RBMS2: variants seen among roughly 807,000 people sequenced by gnomAD.
RBMS2 encodes the protein RNA-binding motif, single-stranded-interacting protein 2.
In RBMS2, 38 loss-of-function variants were observed where a neutral mutation model predicts 58.4. That is an observed-to-expected ratio of 0.65 (90% CI 0.50 to 0.85). The LOEUF (loss-of-function observed/expected upper bound fraction) is 0.85. Ranked by LOEUF, RBMS2 falls within the 40% of genes least tolerant of loss-of-function variation. The pLI, the probability that RBMS2 is intolerant of heterozygous loss-of-function variation, is 0.00. For synonymous variants in RBMS2, 151 were observed against 180.7 expected (o/e 0.84, Z 1.32); for missense variants, 367 against 503.7 (o/e 0.73, Z 2.60).
intron 1 of RBMS2, among the ~76,000 whole-genome samples, chr12:56,561,165 T>C (rs1034890744): frequency 6.6e-5 from 10 of 152,210 alleles, no homozygotes; most frequent in African/African-American, 2.4e-4. Flanking sequence ...CAGTCTACCA[T>C]TGATGGGCAT....
At chr12:56,535,624 A>G (rs1179477966) in intron 1 of RBMS2, among the ~76,000 whole-genome samples, 3 of 152,142 alleles carry the variant, frequency 2.0e-5, no homozygotes, top group Non-Finnish European at 4.4e-5. Flanking sequence ...TATATATTTA[A>G]CATTACACCT....
At chr12:56,543,604 C>T (rs1469764884) in intron 1 of RBMS2, among the ~76,000 whole-genome samples, 1 of 150,560 alleles carries the variant, frequency 6.6e-6, no homozygotes, top group South Asian at 2.1e-4. Flanking sequence ...CCACCCGCCT[C>T]GGCCTCCCAA....
At chr12:56,540,971 T>G (rs1875970780) in intron 1 of RBMS2, among the ~76,000 whole-genome samples, 1 of 151,930 alleles carries the variant, frequency 6.6e-6, no homozygotes, top group Non-Finnish European at 1.5e-5. Context: ...TGTGGTAGCA[T>G]GCACCTGTAG....
chr12:56,568,114 G>T lies in RBMS2; in HGVS notation c.234-861G>T, dbSNP rs373888689. ...GGTTCAATGACTTGTTCAAGATCACGCATAGCTAAAAAGTGGCAGAACCAG... is the reference window on the plus strand; with the variant it reads ...GGTTCAATGACTTGTTCAAGATCACTCATAGCTAAAAAGTGGCAGAACCAG... On this transcript the variant is annotated intron_variant, in intron 2 of 13. Coordinates refer to ENST00000262031, the MANE Select transcript of RBMS2 (RefSeq NM_002898.4). Among the ~76,000 whole-genome samples, 4 of 152,184 alleles carry T rather than the reference G, an allele frequency of 2.6e-5. No individual in the cohort carries two copies. In the East Asian group the frequency reaches 5.8e-4, roughly 22 times the overall value.
intron 1 of RBMS2, among the ~76,000 whole-genome samples, chr12:56,557,237 C>G (rs140703011): frequency 6.6e-6 from 1 of 152,262 alleles, no homozygotes; most frequent in African/African-American, 2.4e-5. Flanking sequence ...ACCCTTTTCT[C>G]TCTTACATAT....
intron 9 of RBMS2, among the ~76,000 whole-genome samples, chr12:56,583,451 C>T (rs1356817770): frequency 1.3e-5 from 2 of 151,954 alleles, no homozygotes; most frequent in Non-Finnish European, 2.9e-5. Flanking sequence ...GTCAGGAGTT[C>T]GAGACCAGCC....
At chr12:56,550,321 G>A (rs529744684) in intron 1 of RBMS2, among the ~76,000 whole-genome samples, 3 of 152,182 alleles carry the variant, frequency 2.0e-5, no homozygotes. Context: ...CTTGAGCTCA[G>A]GAGTTTTGAG....
At chr12:56,535,772 C>G (rs1400455347) in intron 1 of RBMS2, among the ~76,000 whole-genome samples, 1 of 152,156 alleles carries the variant, frequency 6.6e-6, no homozygotes, top group Admixed American at 6.6e-5. Flanking sequence ...TCCATATGCT[C>G]AGACCAAAAA....
intron 1 of RBMS2, among the ~76,000 whole-genome samples, chr12:56,533,053 G>A (rs976706372): frequency 4.6e-5 from 7 of 151,934 alleles, no homozygotes; most frequent in Admixed American, 3.9e-4. Context: ...TCCCACCTCA[G>A]CCTCCTGAGT....
intron 3 of RBMS2, 78 bp downstream of exon 3, chr12:56,569,111 G>A (rs1178599243): frequency 9.4e-6 from 12 of 1,275,972 alleles, no homozygotes; most frequent in Non-Finnish European, 1.4e-5. Flanking sequence ...TTACTGCTGA[G>A]AGTCCTGAGT....
chr12:56,549,012 T>G (rs1282147064), intron 1 of RBMS2, among the ~76,000 whole-genome samples: 1 of 152,154 alleles, frequency 6.6e-6, no homozygotes, highest in Non-Finnish European at 1.5e-5. Context: ...TTTATTTGTT[T>G]TGATTTGTTT....
At chr12:56,521,494 C>T (rs1871711987), upstream of RBMS2, among the ~76,000 whole-genome samples, 1 of 127,124 alleles carries the variant, frequency 7.9e-6, no homozygotes. Flanking sequence ...CTCACACACT[C>T]TAACTCTGTT....
intron 4 of RBMS2, among the ~76,000 whole-genome samples, 155 bp from the exon 5 acceptor site, chr12:56,571,543 G>A (rs1466826205): frequency 1.3e-5 from 2 of 152,186 alleles, no homozygotes; most frequent in South Asian, 2.1e-4. Flanking sequence ...TATACAACCC[G>A]TGGTAGTGGG....
chr12:56,554,324 A>G (rs1398064135), intron 1 of RBMS2, among the ~76,000 whole-genome samples: 2 of 152,190 alleles, frequency 1.3e-5, no homozygotes, highest in Non-Finnish European at 2.9e-5. Context: ...TAGAAAAGAC[A>G]TGGAATCAAC....
rs755447083 is a variant in RBMS2, at chr12:56,581,829, A to G, written c.733-4A>G. 1.2e-6 allele frequency: 2 copies of G among 1,614,130 alleles called. No individual in the cohort carries two copies. Among genetic ancestry groups the G allele is most frequent in the Non-Finnish European group, 1.7e-6 (2 of 1,179,988 alleles). ...AATGTGAACACTGTGTTCTTTCTTT[A>G]TAGGGCGTCATGGCCTTGACCTATG... On this transcript the variant is annotated splice_region_variant and splice_polypyrimidine_tract_variant and intron_variant, in intron 7 of 13. Coordinates refer to ENST00000262031, the MANE Select transcript of RBMS2 (RefSeq NM_002898.4).
intron 1 of RBMS2, among the ~76,000 whole-genome samples, chr12:56,546,283 A>G (rs1297620243): frequency 6.7e-6 from 1 of 149,490 alleles, no homozygotes; most frequent in African/African-American, 2.4e-5. Flanking sequence ...ATGGGTTATT[A>G]TAAATGTATA....
intron 1 of RBMS2, among the ~76,000 whole-genome samples, chr12:56,556,902 T>G (rs1024484919): frequency 6.6e-6 from 1 of 152,138 alleles, no homozygotes; most frequent in Non-Finnish European, 1.5e-5. Context: ...TCACTATGGA[T>G]TCAAAGATAG....
intron 1 of RBMS2, among the ~76,000 whole-genome samples, chr12:56,542,080 C>T (rs994863730): frequency 1.1e-4 from 16 of 151,542 alleles, no homozygotes; most frequent in Admixed American, 2.0e-4. Context: ...GACAGGGTCT[C>T]ACTGTCATCC....
At chr12:56,521,165 C>T (rs559859150), upstream of RBMS2, among the ~76,000 whole-genome samples, 6 of 152,246 alleles carry the variant, frequency 3.9e-5, no homozygotes, top group East Asian at 9.6e-4. Context: ...GGTGGTGGCT[C>T]ATGCCTGTAA....
Sources: gnomAD v4.1 joint callset for allele counts (sites outside exome capture counted in the v4.1 genomes callset) on GRCh38, gnomAD v4.1.1 for gene constraint, MANE v1.5 for transcripts, NCBI Gene and HGNC (gene_info 2026-07-23, HGNC 2026-07-21) for gene names.